ZNF462: variants seen among roughly 807,000 people sequenced by gnomAD.
ZNF462 encodes the protein zinc finger protein 462, also known as zinc finger PBX1-interacting protein.
ZNF462 carries 10 observed loss-of-function variants against 201.9 expected under a neutral mutation model. The ratio of observed to expected loss-of-function variants is 0.05; its 90% CI spans 0.03 to 0.08. The LOEUF (loss-of-function observed/expected upper bound fraction) is 0.08, where lower values mean the gene tolerates loss of function less well. Ranked by LOEUF, ZNF462 falls within the 10% of genes least tolerant of loss-of-function variation. The pLI, the probability that ZNF462 is intolerant of heterozygous loss-of-function variation, is 1.00. For missense variants in ZNF462, 2,523 were observed against 3,168.3 expected, an observed-to-expected ratio of 0.80 and a Z score of 4.89; for synonymous variants, 1,227 against 1,193.3, an observed-to-expected ratio of 1.03 and a Z score of -0.58.
rs1829809454 is a variant in ZNF462, at chr9:107,009,707, AAGAGGTAG to A, written c.7313+40_7313+47del. On this transcript the variant is annotated intron_variant, in intron 12 of 12. Coordinates refer to ENST00000277225, the MANE Select transcript of ZNF462 (RefSeq NM_021224.6). The surrounding 1 kb of genome is among the most constrained non-coding windows in gnomAD (Gnocchi z 6.1). ...CTTCAAGGATGCCTTTGTCCAAAGC[AAGAGGTAG>A]GGAGGGAGGGAGGGGCTCTTGTTTT... 1.2e-6 allele frequency: 2 copies of A among 1,608,152 alleles called. No individual in the cohort carries two copies. Among genetic ancestry groups the A allele is most frequent in the Admixed American group, 3.3e-5 (2 of 59,904 alleles).
At chr9:106,860,365 G>T (rs568914322), upstream of ZNF462, among the ~76,000 whole-genome samples, 2 of 152,278 alleles carry the variant, frequency 1.3e-5, no homozygotes, top group African/African-American at 4.8e-5. This position sits in a 1 kb window ranked among gnomAD's most constrained non-coding sequence, Gnocchi z 7.1. Flanking sequence ...TCTCGCAAAA[G>T]GCTCCTCCCC....
chr9:106,932,641 A>G lies in ZNF462; in HGVS notation c.6116+92A>G. 6.6e-7 allele frequency: 1 copy of G among 1,522,586 alleles called. No homozygotes were observed. The highest frequency in any genetic ancestry group is 1.2e-5 in the South Asian group (1 of 85,398). 94.3% of individuals were successfully genotyped at this position (1,522,586 alleles called of 1,614,324 possible). On this transcript the variant is annotated intron_variant, in intron 5 of 12. Coordinates refer to ENST00000277225, the MANE Select transcript of ZNF462 (RefSeq NM_021224.6). The surrounding 1 kb of genome is among the most constrained non-coding windows in gnomAD (Gnocchi z 6.8). Reference sequence around the variant, plus strand: ...AAAGCAGAAGCTTGGATGAGTAAGAAGGCCCCACTCATGGTTCACACCTGC... The same window carrying G: ...AAAGCAGAAGCTTGGATGAGTAAGAGGGCCCCACTCATGGTTCACACCTGC...
rs1828322878 is a variant in ZNF462, at chr9:106,886,490, T to C, written c.-31+23135T>C. Among the ~76,000 whole-genome samples, 1 of 152,160 alleles carries C rather than the reference T, an allele frequency of 6.6e-6. No homozygotes were observed. Among genetic ancestry groups the C allele is most frequent in the Non-Finnish European group, 1.5e-5 (1 of 68,030 alleles). ...ACCCTGAGGATCCAGACATAGGCTG[T>C]GAGCACATTTGAAATCCACATCCTC... On this transcript the variant is annotated intron_variant, in intron 1 of 12. Transcript: ENST00000277225. The surrounding 1 kb of genome is among the most constrained non-coding windows in gnomAD (Gnocchi z 4.6).
intron 10 of ZNF462, among the ~76,000 whole-genome samples, chr9:106,987,763 C>CA (rs1827964107): frequency 6.6e-6 from 1 of 152,076 alleles, no homozygotes; most frequent in Non-Finnish European, 1.5e-5. Context: ...AGGGTTTTTC[C>CA]AATGTTATCT....
Position 106,890,990 on chromosome 9 carries a change from G to A in ZNF462, c.-31+27635G>A, listed in dbSNP as rs1039459357. Among the ~76,000 whole-genome samples the A allele has an allele frequency of 5.3e-5, 8 of 152,020 alleles. No homozygotes were observed. Among genetic ancestry groups the A allele is most frequent in the South Asian group, 4.2e-4 (2 of 4,818 alleles). ...AGTCTTTTTCTTTTTTGGAAAAATC[G>A]TATGGCTAGTACAGGAAATCAAGGA... On this transcript the variant is annotated intron_variant, in intron 1 of 12. Transcript: ENST00000277225. The surrounding 1 kb of genome is among the most constrained non-coding windows in gnomAD (Gnocchi z 4.2).
At chr9:106,896,436 C>G (rs2131119096) in intron 1 of ZNF462, among the ~76,000 whole-genome samples, 1 of 152,270 alleles carries the variant, frequency 6.6e-6, no homozygotes, top group South Asian at 2.1e-4. Context: ...CAGGACACTT[C>G]TAAGCCAGAC....
intron 7 of ZNF462, among the ~76,000 whole-genome samples, chr9:106,940,569 G>GAC (rs1830823959): frequency 1.3e-5 from 2 of 152,270 alleles, no homozygotes; most frequent in East Asian, 3.9e-4. Context: ...GAAGCTTGGT[G>GAC]GTCTTTCCTT....
At chr9:106,934,593 C>G (rs1054059578) in intron 5 of ZNF462, among the ~76,000 whole-genome samples, 2 of 152,128 alleles carry the variant, frequency 1.3e-5, no homozygotes, top group Non-Finnish European at 2.9e-5. Flanking sequence ...TTAAAGAGAA[C>G]TAAAGGACAC....
intron 11 of ZNF462, among the ~76,000 whole-genome samples, chr9:107,007,875 A>G (rs1037027329): frequency 1.3e-5 from 2 of 152,072 alleles, no homozygotes; most frequent in African/African-American, 4.8e-5. Context: ...CTGGTTTCCT[A>G]TTTACAGATT....
rs1449285882 is a variant in ZNF462 at position 106,970,155 on chromosome 9, T to C, written c.6428-1850T>C. Among the ~76,000 whole-genome samples the C allele has an allele frequency of 6.6e-6, 1 of 152,212 alleles. No homozygotes were observed. Among genetic ancestry groups the C allele is most frequent in the East Asian group, 1.9e-4 (1 of 5,190 alleles). ...ATAAAGAAAAAGGAGATAAAAGAACTGGGTAAAATGAATTCAGTTGTCATT... is the reference window on the plus strand; with the variant it reads ...ATAAAGAAAAAGGAGATAAAAGAACCGGGTAAAATGAATTCAGTTGTCATT... On this transcript the variant is annotated intron_variant, in intron 7 of 12. Transcript: ENST00000277225. This position sits in a 1 kb window ranked among gnomAD's most constrained non-coding sequence, Gnocchi z 4.2.
At chr9:106,891,680 A>C (rs546233169) in intron 1 of ZNF462, among the ~76,000 whole-genome samples, 1 of 152,152 alleles carries the variant, frequency 6.6e-6, no homozygotes, top group Non-Finnish European at 1.5e-5. Context: ...CACTTTTGCA[A>C]GTTCTTCCCC....
chr9:106,926,459 C>T lies in ZNF462; in HGVS notation c.2547C>T (p.Asp849=), dbSNP rs1243476069. The change falls in exon 3 of 13, where the codon GAC becomes GAT. Residue 849 remains aspartate (D), a synonymous_variant. Transcript: ENST00000277225. This position sits in a 1 kb window ranked among gnomAD's most constrained non-coding sequence, Gnocchi z 7.9. ...GGCTTTACTATTGTAAACACTGTGA[C>T]TTTAACAACAAATCTGCCCGGAGTG... The part of the protein sequence containing the change: ...SGRLYYCKHC[D]FNNKSARSVS... The T allele has an allele frequency of 1.9e-6, 3 of 1,614,184 alleles. No homozygotes were observed. The highest frequency in any genetic ancestry group is 1.7e-6 in the Non-Finnish European group (2 of 1,180,030).
chr9:106,900,899 C>T (rs1018805590), intron 1 of ZNF462, among the ~76,000 whole-genome samples: 15 of 152,122 alleles, frequency 9.9e-5, no homozygotes, highest in Non-Finnish European at 2.2e-4. Flanking sequence ...AATTAGGTCC[C>T]AGCGATTTAT....
intron 1 of ZNF462, among the ~76,000 whole-genome samples, chr9:106,911,111 G>T (rs1829532460): frequency 6.6e-6 from 1 of 152,086 alleles, no homozygotes; most frequent in South Asian, 2.1e-4. Context: ...AGTTTTTAAG[G>T]GAGGTAGGTA....
intron 1 of ZNF462, among the ~76,000 whole-genome samples, chr9:106,903,199 G>A (rs1273952845): frequency 6.6e-6 from 1 of 152,048 alleles, no homozygotes; most frequent in Non-Finnish European, 1.5e-5. Context: ...GTTCATTCAG[G>A]ACCAGATTAT....
rs769333908 is a variant in ZNF462, at chr9:106,925,551, C to G, written c.1639C>G (p.Pro547Ala). ...LQQQQPPQPP[P>A]PPPPPPPSQP... ...GCAGCAACAGCCACCGCAGCCACCACCACCGCCGCCGCCACCACCACCATC... is the reference window on the plus strand; with the variant it reads ...GCAGCAACAGCCACCGCAGCCACCAGCACCGCCGCCGCCACCACCACCATC... Residue 547 changes from proline (P) to alanine (A), a missense_variant, in exon 3 of 13, where the codon CCA (proline) becomes GCA (alanine). This residue lies in a region of ZNF462 where 383 missense variants were observed against 453.4 expected (regional missense o/e 0.84). Coordinates refer to ENST00000277225, the MANE Select transcript of ZNF462 (RefSeq NM_021224.6). The surrounding 1 kb of genome is among the most constrained non-coding windows in gnomAD (Gnocchi z 7.9). 6.2e-7 allele frequency: 1 copy of G among 1,612,354 alleles called. No individual in the cohort carries two copies. Among genetic ancestry groups the G allele is most frequent in the South Asian group, 1.1e-5 (1 of 90,974 alleles).
At chr9:106,945,464 G>C (rs1015566412) in intron 7 of ZNF462, among the ~76,000 whole-genome samples, 1 of 152,074 alleles carries the variant, frequency 6.6e-6, no homozygotes, top group African/African-American at 2.4e-5. Flanking sequence ...TTCCACACAG[G>C]TTCCAATTGC....
intron 1 of ZNF462, among the ~76,000 whole-genome samples, chr9:106,864,962 G>A (rs911981378): frequency 6.6e-6 from 1 of 152,162 alleles, no homozygotes; most frequent in African/African-American, 2.4e-5. Context: ...GCTGAGATGA[G>A]AAGTGTTTAT....
intron 1 of ZNF462, among the ~76,000 whole-genome samples, chr9:106,866,835 T>C (rs1225716267): frequency 1.3e-5 from 2 of 152,230 alleles, no homozygotes; most frequent in African/African-American, 4.8e-5. Flanking sequence ...CCAGATAATT[T>C]TACATCTAAT....
Sources: allele counts gnomAD v4.1 joint callset (sites outside exome capture counted in the v4.1 genomes callset), GRCh38; gene constraint gnomAD v4.1.1; regional missense constraint gnomAD v4.1.1; non-coding constraint Gnocchi (gnomAD v3.1); transcripts MANE v1.5; gene names NCBI Gene and HGNC (gene_info 2026-07-23, HGNC 2026-07-21).